CHIT1: variants seen among roughly 807,000 people sequenced by gnomAD.
CHIT1 encodes chitinase 1.
In CHIT1, 47 loss-of-function variants were observed where a neutral mutation model predicts 52.0. The observed-to-expected ratio is 0.90, with a 90% CI of 0.71 to 1.15. The LOEUF (loss-of-function observed/expected upper bound fraction) is 1.15, where lower values mean the gene tolerates loss of function less well. Ranked by LOEUF, CHIT1 falls within the 50% of genes most tolerant of loss-of-function variation. The pLI is 0.00. For synonymous variants in CHIT1, 242 were observed against 228.2 expected (o/e 1.06, Z -0.54); for missense variants, 569 against 583.0 (o/e 0.98, Z 0.25).
intron 4 of CHIT1, 37 bp from the exon 5 acceptor site, chr1:203,223,697 G>T: frequency 6.2e-7 from 1 of 1,608,080 alleles, no homozygotes. Context: ...GCCGGCCTTG[G>T]ACCAGACAGG....
chr1:203,227,611 T>G (rs1480808887), intron 2 of CHIT1, among the ~76,000 whole-genome samples: 2 of 152,174 alleles, frequency 1.3e-5, no homozygotes, highest in African/African-American at 2.4e-5. Flanking sequence ...AGGACCCCAG[T>G]GTGGGCTAAA....
At position 203,225,881 on chromosome 1, in the gene CHIT1, G is replaced by A. The variant is rs1423869200; in HGVS notation, c.56-11C>T. On this transcript the variant is annotated splice_polypyrimidine_tract_variant and intron_variant, in intron 2 of 10. Coordinates refer to ENST00000367229, the MANE Select transcript of CHIT1 (RefSeq NM_003465.3). ...GTTTTGCAGCAGAGCCTGGCCCGTT[G>A]GAGTAAAGAAAAGGGATAGCTGTCA... 3 of 1,614,018 alleles carry A rather than the reference G, an allele frequency of 1.9e-6. No individual in the cohort carries two copies. Among genetic ancestry groups the A allele is most frequent in the South Asian group, 1.1e-5 (1 of 91,064 alleles).
At position 203,228,215 on chromosome 1, in the gene CHIT1, T is replaced by A. The variant is rs568746278; in HGVS notation, c.55+318A>T. The stretch of plus-strand genomic sequence containing the variant: ...AAGCCAATAATGAGAGGCAGTACTG[T>A]ACTGTAAAACACACAGGTGCTGCAA... On this transcript the variant is annotated intron_variant, in intron 2 of 10. Transcript: ENST00000367229. 9.9e-5 allele frequency among the ~76,000 whole-genome samples: 15 copies of A among 152,258 alleles called. No homozygotes were observed. The South Asian group carries it at 2.3e-3, about 23-fold the overall frequency.
chr1:203,219,157 T>A, intron 9 of CHIT1, 59 bp downstream of exon 9: 2 of 878,286 alleles, frequency 2.3e-6, no homozygotes, highest in Non-Finnish European at 3.9e-6. Context: ...CCTCATTCCA[T>A]GTCATTGACA....
intron 7 of CHIT1, 90 bp downstream of exon 7, chr1:203,222,112 T>C: frequency 6.3e-7 from 1 of 1,575,910 alleles, no homozygotes; most frequent in South Asian, 1.1e-5. Flanking sequence ...TGTGTCTTTT[T>C]TCCCATGAGG....
chr1:203,228,512 G>A, intron 2 of CHIT1, 21 bp downstream of exon 2: 4 of 1,582,590 alleles, frequency 2.5e-6, no homozygotes, highest in Non-Finnish European at 3.4e-6. Flanking sequence ...GGCTGAGGCA[G>A]CCAAGAAAGA....
chr1:203,224,471 C>A (rs1040009052), intron 4 of CHIT1, among the ~76,000 whole-genome samples: 24 of 152,120 alleles, frequency 1.6e-4, no homozygotes, highest in Non-Finnish European at 1.5e-5. Context: ...GGTTCATGAT[C>A]CAAAAAAGTT....
chr1:203,223,829 T>A (rs1656831041), intron 4 of CHIT1, among the ~76,000 whole-genome samples, 169 bp from the exon 5 acceptor site: 1 of 152,126 alleles, frequency 6.6e-6, no homozygotes, highest in Non-Finnish European at 1.5e-5. Context: ...TGGTGAGTTA[T>A]GGTCCGGGTT....
chr1:203,223,779 G>T, intron 4 of CHIT1, 119 bp from the exon 5 acceptor site: 2 of 1,042,488 alleles, frequency 1.9e-6, no homozygotes, highest in Non-Finnish European at 3.0e-6. Flanking sequence ...GCTAGGAGGG[G>T]CACTGGGAGG....
chr1:203,217,010 A>T lies in CHIT1; in HGVS notation c.1280T>A (p.Leu427His). 1 of 1,614,210 alleles carries T rather than the reference A, an allele frequency of 6.2e-7. No homozygotes were observed. The highest frequency in any genetic ancestry group is 8.5e-7 in the Non-Finnish European group (1 of 1,180,040). ...GGACCGTTCCCGAGGATTGGGATAG[A>T]GCCCATCAGCTTTGCCCTGGCAGAA... ...DTFCQGKADG[L>H]YPNPRERSSF... Residue 427 changes from leucine to histidine, a missense_variant, in exon 11 of 11, where the codon CTC becomes CAC. Leu to His is a moderately conservative substitution (Grantham distance 99). Transcript: ENST00000367229.
chr1:203,223,400 T>C (rs1007833281), intron 5 of CHIT1, 95 bp downstream of exon 5: 1 of 1,598,496 alleles, frequency 6.3e-7, no homozygotes, highest in African/African-American at 1.3e-5. Context: ...GTGAAGCAGC[T>C]GGCTCTGGGG....
At chr1:203,228,277 G>A (rs1370631723) in intron 2 of CHIT1, among the ~76,000 whole-genome samples, 1 of 152,228 alleles carries the variant, frequency 6.6e-6, no homozygotes, top group Non-Finnish European at 1.5e-5. Flanking sequence ...AGCAACCCCA[G>A]GAAAGGAAAG....
intron 4 of CHIT1, among the ~76,000 whole-genome samples, chr1:203,224,102 T>A (rs1656841297): frequency 6.6e-6 from 1 of 152,270 alleles, no homozygotes; most frequent in South Asian, 2.1e-4. Flanking sequence ...ATTCCTTTAC[T>A]AAGGTTAGTA....
intron 2 of CHIT1, among the ~76,000 whole-genome samples, chr1:203,226,869 C>T (rs538848359): frequency 1.3e-5 from 2 of 152,286 alleles, no homozygotes; most frequent in South Asian, 4.1e-4. Flanking sequence ...ATCTCATCTT[C>T]AATCCCGGCC....
intron 1 of CHIT1, among the ~76,000 whole-genome samples, chr1:203,229,057 C>T (rs923491801): frequency 1.3e-4 from 20 of 152,176 alleles, no homozygotes; most frequent in Non-Finnish European, 2.6e-4. Flanking sequence ...TAGGCAACCA[C>T]AGCCTTGGAG....
chr1:203,223,139 C>T lies in CHIT1; in HGVS notation c.601G>A (p.Ala201Thr), dbSNP rs150370762. 3.6e-5 allele frequency: 58 copies of T among 1,614,104 alleles called. No individual in the cohort carries two copies. In the African/African-American group the frequency reaches 6.4e-4, roughly 18 times the overall value. Residue 201 changes from alanine (A) to threonine (T), a missense_variant, in exon 6 of 11, where the codon GCC becomes ACC. By Grantham distance (58) the Ala-to-Thr change is moderately conservative (BLOSUM62 0). Transcript: ENST00000367229. Reference sequence around the variant, plus strand: ...AGCCATCTGCCTGAGACTCACTGGGCGATTTTGTCCACCTCGTATCCAGCA... The same window carrying T: ...AGCCATCTGCCTGAGACTCACTGGGTGATTTTGTCCACCTCGTATCCAGCA... ...VDAGYEVDKI[A>T]QNLDFVNLMA...
Position 203,222,224 on chromosome 1 carries a change from C to A in CHIT1, c.707G>T (p.Gly236Val). 6.2e-7 allele frequency: 1 copy of A among 1,614,160 alleles called. No homozygotes were observed. Among genetic ancestry groups the A allele is most frequent in the Non-Finnish European group, 8.5e-7 (1 of 1,180,044 alleles). The part of the protein sequence containing the change: ...SPLYKRQEES[G>V]AAASLNVDAA... ...TACCACGTTGAGGCTGGCTGCTGCA[C>A]CACTCTCTTCTTGCCTCTTGTAGAG... Residue 236 changes from glycine to valine, a missense_variant, in exon 7 of 11, where the codon GGT (glycine) becomes GTT (valine). Transcript: ENST00000367229.
At chr1:203,226,979 T>C (rs927896374) in intron 2 of CHIT1, among the ~76,000 whole-genome samples, 3 of 152,182 alleles carry the variant, frequency 2.0e-5, no homozygotes, top group Non-Finnish European at 4.4e-5. Context: ...AAGATCTTGA[T>C]GGAGCAGTGA....
chr1:203,222,542 A>G (rs1185681567), intron 6 of CHIT1, among the ~76,000 whole-genome samples: 5 of 151,700 alleles, frequency 3.3e-5, no homozygotes, highest in Non-Finnish European at 4.4e-5. Flanking sequence ...CAAACTTGTC[A>G]CCCTCACCCC....
Sources: gnomAD v4.1 joint callset for allele counts (sites outside exome capture counted in the v4.1 genomes callset) on GRCh38, gnomAD v4.1.1 for gene constraint, MANE v1.5 for transcripts, NCBI Gene and HGNC (gene_info 2026-07-23, HGNC 2026-07-21) for gene names.